Variants in ANKS1B observed in about 807,000 individuals in gnomAD.
ANKS1B encodes ankyrin repeat and sterile alpha motif domain-containing protein 1B.
Under a neutral mutation model 148.3 loss-of-function variants are expected in ANKS1B, and 36 were observed. That is an observed-to-expected ratio of 0.24 (90% CI 0.19 to 0.32). The LOEUF is 0.32. Among genes scored for constraint, ANKS1B ranks in the 10% least tolerant of loss-of-function variants. The pLI, the probability that ANKS1B is intolerant of heterozygous loss-of-function variation, is 1.00. For missense variants in ANKS1B, 1,157 were observed against 1,542.6 expected (o/e 0.75, Z 4.19); for synonymous variants, 542 against 560.8 (o/e 0.97, Z 0.47).
intron 17 of ANKS1B, among the ~76,000 whole-genome samples, chr12:98,951,340 T>G (rs1209540463): frequency 1.3e-5 from 2 of 152,194 alleles, no homozygotes; most frequent in Non-Finnish European, 2.9e-5. Flanking sequence ...TGGAAGAATA[T>G]GCCTGTGACA....
intron 22 of ANKS1B, 134 bp downstream of exon 22, chr12:98,798,800 C>CT: frequency 1.6e-6 from 1 of 618,562 alleles, no homozygotes; most frequent in Non-Finnish European, 2.7e-6. Context: ...GCAAGAGCAC[C>CT]TTTTTATGTA....
intron 16 of ANKS1B, among the ~76,000 whole-genome samples, chr12:99,064,168 T>G (rs969559022): frequency 6.6e-6 from 1 of 152,228 alleles, no homozygotes; most frequent in African/African-American, 2.4e-5. Flanking sequence ...TGGATATTAC[T>G]TGATACTACA....
At chr12:99,769,498 G>C (rs1193049451) in intron 8 of ANKS1B, among the ~76,000 whole-genome samples, 1 of 152,112 alleles carries the variant, frequency 6.6e-6, no homozygotes, top group African/African-American at 2.4e-5. Context: ...ACTTTCAGGA[G>C]AACTCTCCTA....
intron 17 of ANKS1B, among the ~76,000 whole-genome samples, chr12:98,995,768 A>T (rs2099929185): frequency 6.6e-6 from 1 of 152,188 alleles, no homozygotes; most frequent in Non-Finnish European, 1.5e-5. Flanking sequence ...TAATCGAGAG[A>T]AAGAGTTCCC....
chr12:99,128,215 T>A (rs1420151268), intron 15 of ANKS1B, among the ~76,000 whole-genome samples: 1 of 152,190 alleles, frequency 6.6e-6, no homozygotes, highest in African/African-American at 2.4e-5. Context: ...CTTGAAAGTA[T>A]TGTTAAGTAT....
chr12:99,661,141 C>T (rs2153453589), intron 8 of ANKS1B, among the ~76,000 whole-genome samples: 1 of 152,216 alleles, frequency 6.6e-6, no homozygotes, highest in East Asian at 1.9e-4. Context: ...CAGACCTCCA[C>T]AAACAAGTTT....
At chr12:99,449,706 G>T (rs1481126366) in intron 10 of ANKS1B, among the ~76,000 whole-genome samples, 1 of 152,068 alleles carries the variant, frequency 6.6e-6, no homozygotes, top group Non-Finnish European at 1.5e-5. Context: ...GGGAAAACAA[G>T]AAAACAAATA....
intron 9 of ANKS1B, among the ~76,000 whole-genome samples, chr12:99,535,883 G>T (rs558739523): frequency 6.6e-6 from 1 of 152,102 alleles, no homozygotes; most frequent in Non-Finnish European, 1.5e-5. Context: ...AAAATCATCA[G>T]AATTTTTGTG....
chr12:99,411,145 A>G (rs1214763978), intron 11 of ANKS1B, among the ~76,000 whole-genome samples: 1 of 152,156 alleles, frequency 6.6e-6, no homozygotes, highest in Non-Finnish European at 1.5e-5. Flanking sequence ...TCCAAGCCCC[A>G]ACACATGTTC....
At chr12:99,320,212 G>T (rs2084972965) in intron 12 of ANKS1B, among the ~76,000 whole-genome samples, 1 of 152,102 alleles carries the variant, frequency 6.6e-6, no homozygotes, top group African/African-American at 2.4e-5. Flanking sequence ...GGCATTCTCT[G>T]TATCTCCTGA....
chr12:98,844,924 C>T (rs928370137), intron 17 of ANKS1B, among the ~76,000 whole-genome samples: 10 of 152,078 alleles, frequency 6.6e-5, no homozygotes, highest in African/African-American at 2.4e-4. Context: ...GCTGAAAAGG[C>T]CAAGCTGACA....
intron 17 of ANKS1B, among the ~76,000 whole-genome samples, chr12:98,990,367 CTT>C (rs2099925860): frequency 6.6e-6 from 1 of 150,928 alleles, no homozygotes; most frequent in Non-Finnish European, 1.5e-5. Context: ...TGATTTTTAA[CTT>C]AGACAAATTT....
At chr12:99,083,311 G>T (rs751332053) in intron 16 of ANKS1B, among the ~76,000 whole-genome samples, 13 of 152,278 alleles carry the variant, frequency 8.5e-5, no homozygotes, top group South Asian at 2.1e-4. Flanking sequence ...ATATCCAGGT[G>T]TATCTATTAC....
chr12:99,003,504 G>A (rs904493818), intron 17 of ANKS1B, among the ~76,000 whole-genome samples: 2 of 152,184 alleles, frequency 1.3e-5, no homozygotes, highest in Non-Finnish European at 2.9e-5. Flanking sequence ...CAGTTCTCAA[G>A]ATTGGCTGCT....
intron 17 of ANKS1B, among the ~76,000 whole-genome samples, chr12:98,833,112 T>C (rs1316290903): frequency 6.6e-6 from 1 of 152,112 alleles, no homozygotes; most frequent in Non-Finnish European, 1.5e-5. Flanking sequence ...CAAAGGGAAC[T>C]GAGAATTGCA....
chr12:99,123,076 A>C (rs1171483258), intron 15 of ANKS1B, among the ~76,000 whole-genome samples: 2 of 151,294 alleles, frequency 1.3e-5, no homozygotes, highest in Non-Finnish European at 2.9e-5. Context: ...CCCCAAAAAA[A>C]CAAAAATAAT....
At chr12:99,695,114 T>C (rs1199725879) in intron 8 of ANKS1B, among the ~76,000 whole-genome samples, 1 of 152,206 alleles carries the variant, frequency 6.6e-6, no homozygotes, top group Non-Finnish European at 1.5e-5. Context: ...AAATGAGCTC[T>C]GTTTATAATC....
intron 17 of ANKS1B, among the ~76,000 whole-genome samples, chr12:98,933,316 A>C (rs895260289): frequency 2.6e-5 from 4 of 152,138 alleles, no homozygotes; most frequent in Non-Finnish European, 5.9e-5. Context: ...CATATTGCAG[A>C]GTTTCCTTCT....
chr12:99,902,802 A>G (rs11833153), intron 1 of ANKS1B, among the ~76,000 whole-genome samples: 3,122 of 150,968 alleles, frequency 0.021, 112 homozygotes, highest in African/African-American at 0.072. Flanking sequence ...CCAGGCTGGA[A>G]TGCAGCGGCA....
Sources: allele counts gnomAD v4.1 joint callset (sites outside exome capture counted in the v4.1 genomes callset), GRCh38; gene constraint gnomAD v4.1.1; transcripts MANE v1.5; gene names NCBI Gene and HGNC (gene_info 2026-07-23, HGNC 2026-07-21).